The following THSD1 variants were observed in gnomAD, a reference collection of about 807,000 sequenced individuals.
The protein encoded by THSD1 is thrombospondin type-1 domain-containing protein 1.
A neutral mutation model predicts 46.3 loss-of-function variants in THSD1; 34 were observed. The observed-to-expected ratio is 0.74, with a 90% CI of 0.56 to 0.98. THSD1 has a LOEUF of 0.98. Ranked by LOEUF, THSD1 falls within the 50% of genes least tolerant of loss-of-function variation. The pLI is 0.00. For missense variants in THSD1, 1,023 were observed against 1,058.3 expected (o/e 0.97, Z 0.46); for synonymous variants, 407 against 416.5 (o/e 0.98, Z 0.28).
intron 2 of THSD1, 103 bp downstream of exon 2, chr13:52,402,440 T>C (rs906429194): frequency 3.0e-5 from 35 of 1,149,838 alleles, no homozygotes; most frequent in Non-Finnish European, 3.8e-5. Flanking sequence ...CTATATACCC[T>C]ACCCTGCCTC....
At chr13:52,386,445 G>C (rs181823327) in intron 3 of THSD1, among the ~76,000 whole-genome samples, 6 of 152,230 alleles carry the variant, frequency 3.9e-5, no homozygotes, top group African/African-American at 1.2e-4. Flanking sequence ...TGCAATAAAA[G>C]GAAAGATAGC....
At chr13:52,392,355 A>C (rs1957780246) in intron 3 of THSD1, among the ~76,000 whole-genome samples, 1 of 152,214 alleles carries the variant, frequency 6.6e-6, no homozygotes, top group South Asian at 2.1e-4. Flanking sequence ...TAAGTAGGCA[A>C]ATATTTGTAA....
In THSD1 at chr13:52,397,827, T is replaced by C. The variant is rs753395311; in HGVS notation, c.426A>G (p.Glu142=). ...VDLNRSAKAA[E]GTFQVGLFTS... is the part of the protein sequence containing the mutation. ...TAAATAGGCCCACTTGGAAGGTGCC[T>C]TCTGCTGCCTTGGCACTCCTATTCA... Residue 142 remains glutamate, a synonymous_variant, in exon 3 of 5, where the codon GAA becomes GAG. Transcript: ENST00000258613. 2 of 1,614,276 alleles carry C rather than the reference T, an allele frequency of 1.2e-6. No homozygotes were observed. Among genetic ancestry groups the C allele is most frequent in the South Asian group, 1.1e-5 (1 of 91,092 alleles).
At chr13:52,379,792 G>A (rs1957678045) in intron 4 of THSD1, among the ~76,000 whole-genome samples, 1 of 152,066 alleles carries the variant, frequency 6.6e-6, no homozygotes, top group African/African-American at 2.4e-5. Flanking sequence ...CAAGATAAAA[G>A]TCAGTGTTCA....
Position 52,377,431 on chromosome 13 carries a change from C to G in THSD1, c.2539G>C (p.Val847Leu), listed in dbSNP as rs571090286. ...TCAGTCTAGATCACCAGCTTCTCCA[C>G]GCTAAGTGTACTTGTGGTTTCATCC... ...EEDETTSTLS[V>L]EKLVI Residue 847 changes from valine (V) to leucine (L), a missense_variant, in exon 5 of 5, where the codon GTG becomes CTG. By Grantham distance (32) the Val-to-Leu change is conservative. Coordinates refer to ENST00000258613, the MANE Select transcript of THSD1 (RefSeq NM_018676.4). 1 of 1,543,116 alleles carries G rather than the reference C, an allele frequency of 6.5e-7. No homozygotes were observed. Among genetic ancestry groups the G allele is most frequent in the South Asian group, 1.3e-5 (1 of 79,544 alleles).
chr13:52,395,436 G>T (rs568282207), intron 3 of THSD1, among the ~76,000 whole-genome samples: 2 of 152,268 alleles, frequency 1.3e-5, no homozygotes, highest in South Asian at 4.1e-4. Flanking sequence ...GTCCTACACT[G>T]AGAAGCAGTG....
intron 3 of THSD1, among the ~76,000 whole-genome samples, chr13:52,388,269 A>G (rs1056652097): frequency 6.6e-6 from 1 of 152,064 alleles, no homozygotes; most frequent in Non-Finnish European, 1.5e-5. Context: ...GAGATCATGC[A>G]TGTATTACTA....
intron 1 of THSD1, chr13:52,403,052 A>C: frequency 1.5e-6 from 1 of 664,726 alleles, no homozygotes; most frequent in Non-Finnish European, 1.9e-6. Flanking sequence ...GGCATTTCAC[A>C]CTGATCAATT....
Position 52,402,412 on chromosome 13 carries a change from A to C in THSD1, c.58+131T>G, listed in dbSNP as rs73486161. On this transcript the variant is annotated intron_variant, in intron 2 of 4. Transcript: ENST00000258613. ...GAGAACCCAGGGTTGCAAGGGTCAC[A>C]GTTGAGAAAGCACTGCACTATATAC... The C allele has an allele frequency of 8.8e-3, 5,351 of 611,352 alleles. 133 individuals carry two copies. Among genetic ancestry groups the C allele is most frequent in the African/African-American group, 0.064 (3,403 of 53,452 alleles). The allele number at this position is 611,352 out of a possible 1,614,324, so 37.9% of individuals were successfully genotyped here. A position where few individuals can be genotyped will look rare whatever the true frequency, so the allele number is the denominator to read the frequency against.
intron 2 of THSD1, among the ~76,000 whole-genome samples, chr13:52,401,121 C>T (rs1323481491): frequency 1.3e-5 from 2 of 151,812 alleles, no homozygotes; most frequent in East Asian, 1.9e-4. Flanking sequence ...ATTACAAGTG[C>T]GTCTCACCAC....
chr13:52,397,193 G>T, intron 3 of THSD1, 39 bp downstream of exon 3: 1 of 1,476,818 alleles, frequency 6.8e-7, no homozygotes, highest in South Asian at 1.4e-5. Context: ...ATTACATGAA[G>T]GATTTGATTT....
At chr13:52,382,917 G>A (rs961859971) in intron 4 of THSD1, among the ~76,000 whole-genome samples, 1 of 151,888 alleles carries the variant, frequency 6.6e-6, no homozygotes, top group African/African-American at 2.4e-5. Flanking sequence ...CAGCAGAATC[G>A]CTTGAACCCA....
Position 52,397,734 on chromosome 13 carries a change from G to A in THSD1, c.519C>T (p.Asn173=), listed in dbSNP as rs55822159. 4,256 of 1,614,236 alleles carry A rather than the reference G, an allele frequency of 2.6e-3. 79 individuals carry two copies. The South Asian group carries it at 0.03, about 11-fold the overall frequency. ...AATTTCTTCTTGCCTCAGGAAGACT[G>A]TTGGTGAAGATGACATCCACTACGA... ...PNIVVDVIFT[N]SLPEARRNSR... is the part of the protein sequence containing the mutation. Residue 173 remains asparagine, a synonymous_variant, in exon 3 of 5, where the codon AAC becomes AAT. Transcript: ENST00000258613.
intron 3 of THSD1, among the ~76,000 whole-genome samples, chr13:52,395,594 C>T (rs1957804764): frequency 6.6e-6 from 1 of 152,056 alleles, no homozygotes; most frequent in Non-Finnish European, 1.5e-5. Flanking sequence ...AATCACCTGG[C>T]AAGTGTGTGA....
chr13:52,394,905 T>C (rs2137741467), intron 3 of THSD1, among the ~76,000 whole-genome samples: 1 of 152,196 alleles, frequency 6.6e-6, no homozygotes, highest in African/African-American at 2.4e-5. Context: ...AAGTGATAAA[T>C]GCCATCAAAG....
Position 52,377,190 on chromosome 13 carries a change from C to T in THSD1, c.*221G>A, listed in dbSNP as rs1957638863. The T allele has an allele frequency of 4.7e-6, 6 of 1,275,844 alleles. No homozygotes were observed. Among genetic ancestry groups the T allele is most frequent in the Non-Finnish European group, 3.0e-6 (3 of 1,008,986 alleles). 79.0% of individuals were successfully genotyped at this position (1,275,844 alleles called of 1,614,324 possible). A position where few individuals can be genotyped will look rare whatever the true frequency, so the allele number is the denominator to read the frequency against. On this transcript the variant is annotated 3_prime_UTR_variant, in exon 5 of 5. Transcript: ENST00000258613. Reference sequence around the variant, plus strand: ...CATTTGCTCATTTACATTTTATTATCATTGTTATTACTAATAAATCAATAG... The same window carrying T: ...CATTTGCTCATTTACATTTTATTATTATTGTTATTACTAATAAATCAATAG...
At position 52,387,662 on chromosome 13, in the gene THSD1, T is replaced by C. The variant is rs114674891; in HGVS notation, c.1022-1476A>G. Among the ~76,000 whole-genome samples, 372 of 152,224 alleles carry C rather than the reference T, an allele frequency of 2.4e-3. 1 individual carries two copies. Among genetic ancestry groups the C allele is most frequent in the African/African-American group, 8.6e-3 (357 of 41,540 alleles). Reference sequence around the variant, plus strand: ...AAAGTCAAATGGAAATATTAGAATTTTAAAATATGGTAACACAGATGAAGA... The same window carrying C: ...AAAGTCAAATGGAAATATTAGAATTCTAAAATATGGTAACACAGATGAAGA... On this transcript the variant is annotated intron_variant, in intron 3 of 4. Coordinates refer to ENST00000258613, the MANE Select transcript of THSD1 (RefSeq NM_018676.4).
At chr13:52,392,740 G>C (rs1313778812) in intron 3 of THSD1, among the ~76,000 whole-genome samples, 1 of 152,184 alleles carries the variant, frequency 6.6e-6, no homozygotes, top group Non-Finnish European at 1.5e-5. Context: ...AAGGCATTTT[G>C]TTCAAGAAAC....
Position 52,398,012 on chromosome 13 carries a change from G to T in THSD1, c.241C>A (p.Gln81Lys). The T allele has an allele frequency of 6.2e-7, 1 of 1,614,248 alleles. No homozygotes were observed. Among genetic ancestry groups the T allele is most frequent in the Non-Finnish European group, 8.5e-7 (1 of 1,180,052 alleles). Residue 81 changes from glutamine (Q) to lysine (K), a missense_variant, in exon 3 of 5, where the codon CAG (glutamine) becomes AAG (lysine). Around this residue, in one of 3 missense-constraint regions of THSD1, gnomAD observed 429 missense variants for 518.3 expected, o/e 0.83. Coordinates refer to ENST00000258613, the MANE Select transcript of THSD1 (RefSeq NM_018676.4). ...TCAAACTTTAGTGTTCCCTGGGACT[G>T]GTTGGTCAGGAGGTACTTGGTAGTT... ...TVTTKYLLTN[Q>K]SQGTLKFECF...
Sources: gnomAD v4.1 joint callset for allele counts (sites outside exome capture counted in the v4.1 genomes callset) on GRCh38, gnomAD v4.1.1 for gene constraint, gnomAD v4.1.1 regional missense constraint, MANE v1.5 for transcripts, NCBI Gene and HGNC (gene_info 2026-07-23, HGNC 2026-07-21) for gene names.